The following GRM7 variants were observed in gnomAD, a reference collection of about 807,000 sequenced individuals.
GRM7 encodes the protein glutamate metabotropic receptor 7.
In GRM7, 35 loss-of-function variants were observed where a neutral mutation model predicts 84.5. The observed-to-expected ratio is 0.41, with a 90% confidence interval of 0.32 to 0.55. The LOEUF is 0.55. Ranked by LOEUF, GRM7 falls within the 20% of genes least tolerant of loss-of-function variation. The probability of loss-of-function intolerance (pLI) is 0.19; values close to 1 mark genes in which losing one functional copy is unlikely to be tolerated. For missense variants in GRM7, 1,003 were observed against 1,194.6 expected (o/e 0.84, Z 2.36); for synonymous variants, 487 against 455.1 (o/e 1.07, Z -0.89).
chr3:7,161,335 T>C (rs1172356556), intron 2 of GRM7, among the ~76,000 whole-genome samples: 1 of 152,062 alleles, frequency 6.6e-6, no homozygotes, highest in Non-Finnish European at 1.5e-5. Flanking sequence ...CAAGAAATCC[T>C]TTCCCTTTGT....
At chr3:7,647,193 T>A (rs1575590730) in intron 8 of GRM7, among the ~76,000 whole-genome samples, 2 of 152,194 alleles carry the variant, frequency 1.3e-5, no homozygotes, top group East Asian at 3.9e-4. Flanking sequence ...AAACCTCTTT[T>A]TCCTCATGCT....
rs1002962917 is a variant in GRM7 at position 7,208,478 on chromosome 3, T to G, written c.736+61810T>G. Among the ~76,000 whole-genome samples the G allele has an allele frequency of 2.0e-5, 3 of 152,196 alleles. No individual in the cohort carries two copies. In the South Asian group the frequency reaches 6.2e-4, roughly 31 times the overall value. ...GTTTTCTCATCTGCGGGATACAGATTTATTTTAAAAAATCTATATTGAGCC... is the reference window on the plus strand; with the variant it reads ...GTTTTCTCATCTGCGGGATACAGATGTATTTTAAAAAATCTATATTGAGCC... On this transcript the variant is annotated intron_variant, in intron 2 of 9. Transcript: ENST00000357716.
At chr3:7,510,872 C>T (rs575394149) in intron 7 of GRM7, among the ~76,000 whole-genome samples, 4 of 152,160 alleles carry the variant, frequency 2.6e-5, no homozygotes, top group East Asian at 3.9e-4. Context: ...GCTGTGTTTG[C>T]GCGGCAGTGG....
chr3:7,483,016 T>C (rs1310141605), intron 7 of GRM7, among the ~76,000 whole-genome samples: 1 of 152,208 alleles, frequency 6.6e-6, no homozygotes, highest in African/African-American at 2.4e-5. Flanking sequence ...TGTGTGTTTT[T>C]CTGGAATTCC....
intron 2 of GRM7, among the ~76,000 whole-genome samples, chr3:7,251,282 G>T (rs1167086106): frequency 6.6e-6 from 1 of 151,450 alleles, no homozygotes; most frequent in Non-Finnish European, 1.5e-5. Flanking sequence ...CAGGTAAAAG[G>T]GAAGTAGTTC....
intron 1 of GRM7, among the ~76,000 whole-genome samples, chr3:6,900,771 G>A (rs1417858027): frequency 6.6e-6 from 1 of 152,170 alleles, no homozygotes; most frequent in African/African-American, 2.4e-5. Context: ...ATGCAGTGAG[G>A]TTAAAAGAAT....
intron 2 of GRM7, among the ~76,000 whole-genome samples, chr3:7,239,638 C>T (rs1014109058): frequency 2.0e-5 from 3 of 152,056 alleles, no homozygotes; most frequent in Non-Finnish European, 2.9e-5. Context: ...CTCTTCCTAA[C>T]GTGGGTGGGC....
chr3:7,668,806 A>T (rs1012983779), intron 8 of GRM7, among the ~76,000 whole-genome samples: 3 of 152,254 alleles, frequency 2.0e-5, no homozygotes, highest in African/African-American at 7.2e-5. Flanking sequence ...CAAATGAGTG[A>T]GGACCACTTC....
intron 4 of GRM7, among the ~76,000 whole-genome samples, chr3:7,382,073 CAAT>C (rs1408430529): frequency 1.3e-5 from 2 of 152,136 alleles, no homozygotes; most frequent in African/African-American, 4.8e-5. Context: ...AGCCATTCAT[CAAT>C]AATATTTTAT....
Position 7,298,796 on chromosome 3 carries a change from C to T in GRM7, c.849C>T (p.Val283=), listed in dbSNP as rs769426607. The T allele has an allele frequency of 6.2e-6, 10 of 1,613,442 alleles. No individual in the cohort carries two copies. The highest frequency in any genetic ancestry group is 5.0e-5 in the Admixed American group (3 of 59,968). Residue 283 remains valine (V), a synonymous_variant, in exon 3 of 10, where the codon GTC becomes GTT. Transcript: ENST00000357716. ...QLLDTPNSRA[V]VIFANDEDIK... Reference sequence around the variant, plus strand: ...TGGACACCCCCAACTCCAGGGCCGTCGTGATTTTTGCCAACGATGAGGATA... The same window carrying T: ...TGGACACCCCCAACTCCAGGGCCGTTGTGATTTTTGCCAACGATGAGGATA...
intron 5 of GRM7, among the ~76,000 whole-genome samples, chr3:7,433,660 C>T (rs988999686): frequency 1.7e-4 from 26 of 152,196 alleles, no homozygotes; most frequent in African/African-American, 5.8e-4. Flanking sequence ...CTTTTCCAAT[C>T]TCTTCTGCTG....
At chr3:7,374,482 A>G (rs7615555) in intron 4 of GRM7, among the ~76,000 whole-genome samples, 55,954 of 151,064 alleles carry the variant, frequency 0.37, 10,846 homozygotes, top group East Asian at 0.57. Flanking sequence ...TATCATTATT[A>G]TTATTATTAT....
intron 1 of GRM7, among the ~76,000 whole-genome samples, chr3:7,121,915 G>A (rs1168432368): frequency 6.6e-6 from 1 of 152,136 alleles, no homozygotes; most frequent in Non-Finnish European, 1.5e-5. Context: ...ATTATGGAAG[G>A]AGTGGGCTAG....
At chr3:7,629,876 C>T (rs951235834) in intron 8 of GRM7, among the ~76,000 whole-genome samples, 1 of 152,140 alleles carries the variant, frequency 6.6e-6, no homozygotes. Context: ...AGGAAATTAG[C>T]ACCTTCGATT....
chr3:7,307,651 C>G (rs991712354), intron 4 of GRM7, among the ~76,000 whole-genome samples: 5 of 152,208 alleles, frequency 3.3e-5, no homozygotes, highest in African/African-American at 9.6e-5. Context: ...CATGTTTTCA[C>G]TGGGAGGCTT....
chr3:7,122,384 T>C (rs1693255715), intron 1 of GRM7, among the ~76,000 whole-genome samples: 1 of 152,190 alleles, frequency 6.6e-6, no homozygotes, highest in South Asian at 2.1e-4. Flanking sequence ...GAAAATGTAA[T>C]GAGAACTGTA....
chr3:7,669,180 C>T (rs764011315), intron 8 of GRM7, among the ~76,000 whole-genome samples: 19 of 151,990 alleles, frequency 1.3e-4, no homozygotes, highest in South Asian at 2.1e-4. Flanking sequence ...AAATATGCAG[C>T]GAATAATCAC....
At chr3:6,880,304 G>A (rs541426956) in intron 1 of GRM7, among the ~76,000 whole-genome samples, 1 of 152,082 alleles carries the variant, frequency 6.6e-6, no homozygotes, top group Non-Finnish European at 1.5e-5. Flanking sequence ...CCTACAAAGG[G>A]TGCAATTACA....
chr3:7,363,379 T>G (rs935378758), intron 4 of GRM7, among the ~76,000 whole-genome samples: 3 of 152,002 alleles, frequency 2.0e-5, no homozygotes, highest in African/African-American at 7.2e-5. Context: ...CAAAACAAAG[T>G]TAGAGAAAAA....
Sources: gnomAD v4.1 joint callset for allele counts (sites outside exome capture counted in the v4.1 genomes callset) on GRCh38, gnomAD v4.1.1 for gene constraint, MANE v1.5 for transcripts, NCBI Gene and HGNC (gene_info 2026-07-23, HGNC 2026-07-21) for gene names.